PLAC1: variants seen among roughly 807,000 people sequenced by gnomAD.
The protein encoded by PLAC1 is placenta-specific protein 1.
For synonymous variants in PLAC1, 68 were observed against 62.1 expected (o/e 1.09, Z -0.44); for missense variants, 136 against 163.2 (o/e 0.83, Z 0.91).
chrX:134,591,412 T>C (rs916651891), intron 2 of PLAC1, among the ~76,000 whole-genome samples: 1 of 112,908 alleles, frequency 8.9e-6, no homozygotes, highest in African/African-American at 3.2e-5. Flanking sequence ...CTAGCATGTT[T>C]GCAATGGCAG....
intron 2 of PLAC1, among the ~76,000 whole-genome samples, chrX:134,728,345 A>G (rs1448543982): frequency 8.9e-6 from 1 of 112,369 alleles, no homozygotes; most frequent in Non-Finnish European, 1.9e-5. Flanking sequence ...ATACATCGTA[A>G]TCAAACTGTG....
At chrX:134,698,604 T>G (rs901955147) in intron 2 of PLAC1, among the ~76,000 whole-genome samples, 1 of 111,931 alleles carries the variant, frequency 8.9e-6, no homozygotes, top group South Asian at 3.8e-4. Context: ...CCTTCTGTGC[T>G]TGATCTCTCC....
chrX:134,720,653 A>G (rs139569533), intron 2 of PLAC1, among the ~76,000 whole-genome samples: 2,347 of 112,066 alleles, frequency 0.021, 32 homozygotes, highest in Middle Eastern at 0.037. Context: ...TGACAAAGGA[A>G]AAAAAAGAGA....
chrX:134,622,013 C>T (rs1400811106), intron 1 of PLAC1, among the ~76,000 whole-genome samples: 1 of 111,597 alleles, frequency 9.0e-6, no homozygotes, highest in Non-Finnish European at 1.9e-5. Flanking sequence ...AGAATTGAAA[C>T]TGTCTTGAGA....
At chrX:134,630,251 G>A (rs188679009) in intron 1 of PLAC1, among the ~76,000 whole-genome samples, 13 of 111,880 alleles carry the variant, frequency 1.2e-4, no homozygotes, top group African/African-American at 3.2e-4. Flanking sequence ...GATTACAGGC[G>A]TGAGCCACCA....
chrX:134,749,928 G>A (rs1056184715), intron 1 of PLAC1, among the ~76,000 whole-genome samples: 3 of 111,411 alleles, frequency 2.7e-5, no homozygotes, highest in South Asian at 7.5e-4. Flanking sequence ...TGAGCTACCC[G>A]AAAGCTCTTT....
At chrX:134,674,602 T>A (rs2147812544) in intron 2 of PLAC1, among the ~76,000 whole-genome samples, 1 of 112,388 alleles carries the variant, frequency 8.9e-6, no homozygotes, top group East Asian at 2.8e-4. Context: ...ACGTAGGTAA[T>A]TTAGAACTGT....
At chrX:134,757,769 G>A (rs2078760528) in intron 1 of PLAC1, among the ~76,000 whole-genome samples, 1 of 110,706 alleles carries the variant, frequency 9.0e-6, no homozygotes, top group Non-Finnish European at 1.9e-5. Context: ...ATGTCAAATG[G>A]TTCATAAAAT....
chrX:134,717,404 G>A (rs753459226), intron 2 of PLAC1, among the ~76,000 whole-genome samples: 2 of 111,076 alleles, frequency 1.8e-5, no homozygotes, highest in African/African-American at 3.3e-5. Flanking sequence ...TTATAGGTGC[G>A]TGCCAAAAAT....
intron 2 of PLAC1, among the ~76,000 whole-genome samples, chrX:134,578,514 T>TC (rs1304182877): frequency 3.7e-5 from 2 of 54,319 alleles, no homozygotes; most frequent in Non-Finnish European, 3.3e-5. Flanking sequence ...TTTCTTTCTT[T>TC]CTTTTTTTTT....
chrX:134,614,092 G>C (rs1187815191), intron 1 of PLAC1, among the ~76,000 whole-genome samples: 1 of 110,141 alleles, frequency 9.1e-6, no homozygotes, highest in Non-Finnish European at 1.9e-5. Context: ...TAGCAGCCCA[G>C]GGCCCACCTC....
At chrX:134,664,382 G>A (rs1474268217) in intron 2 of PLAC1, among the ~76,000 whole-genome samples, 1 of 112,130 alleles carries the variant, frequency 8.9e-6, no homozygotes, top group Non-Finnish European at 1.9e-5. Context: ...ATTTCCTACA[G>A]GGTCACTTTG....
At chrX:134,743,083 T>A (rs1456944137) in intron 1 of PLAC1, among the ~76,000 whole-genome samples, 1 of 111,563 alleles carries the variant, frequency 9.0e-6, no homozygotes, top group African/African-American at 3.3e-5. Flanking sequence ...CAAGGATTTG[T>A]TTGAGAGGGA....
At chrX:134,619,182 T>G (rs889781122) in intron 1 of PLAC1, among the ~76,000 whole-genome samples, 2 of 112,190 alleles carry the variant, frequency 1.8e-5, no homozygotes, top group African/African-American at 6.5e-5. Context: ...CACCCAGTTT[T>G]TCTTCACCTT....
At chrX:134,634,342 C>A (rs1475206027) in intron 1 of PLAC1, among the ~76,000 whole-genome samples, 1 of 112,016 alleles carries the variant, frequency 8.9e-6, no homozygotes, top group African/African-American at 3.2e-5. Flanking sequence ...GGAGGCCACA[C>A]GTTTAATGGC....
At chrX:134,672,178 C>CGA (rs2078457944) in intron 2 of PLAC1, among the ~76,000 whole-genome samples, 1 of 112,156 alleles carries the variant, frequency 8.9e-6, no homozygotes. Flanking sequence ...CTGGTGGTGA[C>CGA]GACCCTACTA....
chrX:134,742,567 G>A (rs766448846), intron 1 of PLAC1, among the ~76,000 whole-genome samples: 5 of 109,300 alleles, frequency 4.6e-5, no homozygotes, highest in South Asian at 8.0e-4. Flanking sequence ...CAGCCTGGGC[G>A]ACAGAGCGAG....
chrX:134,741,530 C>G (rs1382321359), intron 1 of PLAC1, among the ~76,000 whole-genome samples: 5 of 110,231 alleles, frequency 4.5e-5, no homozygotes, highest in Non-Finnish European at 7.6e-5. Context: ...GTAACAACAC[C>G]CTATTTTTGC....
At position 134,721,244 on chromosome X, in the gene PLAC1, G is replaced by T. The variant is rs189602726; in HGVS notation, n.174+12191C>A. Among the ~76,000 whole-genome samples, 3 of 112,382 alleles carry T rather than the reference G, an allele frequency of 2.7e-5. No individual in the cohort carries two copies. In the Admixed American group the frequency reaches 2.8e-4, roughly 11 times the overall value. On this transcript the variant is annotated intron_variant and non_coding_transcript_variant, in intron 2 of 2. Transcript: ENST00000466797. ...GAAAGGCATATCAAAACCACAAAGA[G>T]ATACCTAGTGAAGACATCTATTAGG...
Sources: allele counts gnomAD v4.1 joint callset (sites outside exome capture counted in the v4.1 genomes callset), GRCh38; gene constraint gnomAD v4.1.1; transcripts MANE v1.5; gene names NCBI Gene and HGNC (gene_info 2026-07-23, HGNC 2026-07-21).